The following PKHD1L1 variants were observed in gnomAD, a reference collection of about 807,000 sequenced individuals.
The protein encoded by PKHD1L1 is fibrocystin-L.
A neutral mutation model predicts 462.9 loss-of-function variants in PKHD1L1; 434 were observed. The ratio of observed to expected loss-of-function variants is 0.94; its 90% CI spans 0.87 to 1.02. The LOEUF is 1.02. Among genes scored for constraint, PKHD1L1 ranks in the 50% least tolerant of loss-of-function variants. The pLI is 0.00. For synonymous variants in PKHD1L1, 1,781 were observed against 1,750.0 expected (o/e 1.02, Z -0.44); for missense variants, 5,202 against 5,096.1 (o/e 1.02, Z -0.63).
chr8:109,443,065 C>T lies in PKHD1L1; in HGVS notation c.4513C>T (p.His1505Tyr). The T allele has an allele frequency of 6.2e-7, 1 of 1,613,664 alleles. No individual in the cohort carries two copies. Among genetic ancestry groups the T allele is most frequent in the Non-Finnish European group, 8.5e-7 (1 of 1,179,668 alleles). ...VINVLPAETR[H>Y]IPLHLFVGRS... ...TAATGTTTTACCAGCTGAAACCAGA[C>T]ACATTCCCTTGCACCTGTTTGTGGG... is the stretch of plus-strand genomic sequence containing the variant. Residue 1505 changes from histidine (H) to tyrosine (Y), a missense_variant, in exon 36 of 78, where the codon CAC becomes TAC. His to Tyr is a moderately conservative substitution (Grantham distance 83). Around this residue, in one of 3 missense-constraint regions of PKHD1L1, gnomAD observed 4,497 missense variants for 4,336.8 expected, o/e 1.04. Coordinates refer to ENST00000378402, the MANE Select transcript of PKHD1L1 (RefSeq NM_177531.6).
intron 2 of PKHD1L1, among the ~76,000 whole-genome samples, chr8:109,369,500 A>T (rs2130324814): frequency 6.6e-6 from 1 of 152,150 alleles, no homozygotes; most frequent in South Asian, 2.1e-4. Context: ...CATTATAGTA[A>T]CTCCTAAGCT....
At chr8:109,497,513 A>G (rs1819168689) in intron 65 of PKHD1L1, among the ~76,000 whole-genome samples, 1 of 150,916 alleles carries the variant, frequency 6.6e-6, no homozygotes, top group Admixed American at 6.6e-5. Flanking sequence ...GCTCACTGCA[A>G]ACTCTGCCTC....
chr8:109,459,969 C>A (rs973509716), intron 47 of PKHD1L1, 133 bp downstream of exon 47: 1 of 718,484 alleles, frequency 1.4e-6, no homozygotes, highest in Non-Finnish European at 1.9e-6. Context: ...TGATATTAAT[C>A]TTATAAGATA....
In PKHD1L1 at chr8:109,397,155, C is replaced by T. The variant is rs531032475; in HGVS notation, c.922+1018C>T. Among the ~76,000 whole-genome samples, 16 of 152,142 alleles carry T rather than the reference C, an allele frequency of 1.1e-4. No individual in the cohort carries two copies. In the East Asian group the frequency reaches 1.4e-3, roughly 13 times the overall value. On this transcript the variant is annotated intron_variant, in intron 11 of 77. Coordinates refer to ENST00000378402, the MANE Select transcript of PKHD1L1 (RefSeq NM_177531.6). ...TCTGATCTTATGTTTATTTTGCATA[C>T]GACTATCATACAGTTGATATGAAAA...
chr8:109,465,646 G>C (rs1325987650), intron 49 of PKHD1L1, among the ~76,000 whole-genome samples: 1 of 152,066 alleles, frequency 6.6e-6, no homozygotes, highest in African/African-American at 2.4e-5. Flanking sequence ...TCATGCTCCA[G>C]AAACATATAA....
intron 32 of PKHD1L1, among the ~76,000 whole-genome samples, chr8:109,439,660 CAG>C (rs2130733465): frequency 6.6e-6 from 1 of 152,174 alleles, no homozygotes; most frequent in African/African-American, 2.4e-5. Flanking sequence ...GGAGATGATG[CAG>C]AGAGTCTTTC....
At chr8:109,430,105 G>T (rs977019309) in intron 27 of PKHD1L1, 68 bp downstream of exon 27, 6 of 1,012,740 alleles carry the variant, frequency 5.9e-6, no homozygotes, top group Non-Finnish European at 8.8e-6. Flanking sequence ...CTCTGATAAT[G>T]ACTTTTAAAA....
chr8:109,469,310 G>T (rs956845904), intron 50 of PKHD1L1, among the ~76,000 whole-genome samples: 2 of 152,090 alleles, frequency 1.3e-5, no homozygotes, highest in Non-Finnish European at 2.9e-5. Flanking sequence ...TGAAGGGAAG[G>T]AACAGTTACA....
In PKHD1L1 at chr8:109,483,036, A is replaced by G; in HGVS notation, c.9507A>G (p.Lys3169=). ...ATGGAATTCCACATTCAATATATAAAACTAAGCTCTCAGAAACTGCATTTG... is the reference window on the plus strand; with the variant it reads ...ATGGAATTCCACATTCAATATATAAGACTAAGCTCTCAGAAACTGCATTTG... ...DLHGIPHSIY[K]TKLSETAFAG... Residue 3169 remains lysine, a synonymous_variant, in exon 57 of 78, where the codon AAA becomes AAG. Coordinates refer to ENST00000378402, the MANE Select transcript of PKHD1L1 (RefSeq NM_177531.6). The G allele has an allele frequency of 6.2e-7, 1 of 1,601,722 alleles. No homozygotes were observed.
At chr8:109,403,662 T>C (rs1452428714) in intron 14 of PKHD1L1, among the ~76,000 whole-genome samples, 1 of 152,142 alleles carries the variant, frequency 6.6e-6, no homozygotes, top group Non-Finnish European at 1.5e-5. Flanking sequence ...GAGCCTGATA[T>C]AATCCCCAAA....
At chr8:109,409,709 CTT>C (rs1369456303) in intron 18 of PKHD1L1, among the ~76,000 whole-genome samples, 154 bp from the exon 19 acceptor site, 3 of 152,074 alleles carry the variant, frequency 2.0e-5, no homozygotes, top group African/African-American at 7.2e-5. Flanking sequence ...ATCACACTAA[CTT>C]AAAATTATTT....
intron 49 of PKHD1L1, among the ~76,000 whole-genome samples, chr8:109,465,783 G>C (rs1426164746): frequency 6.6e-6 from 1 of 152,136 alleles, no homozygotes; most frequent in Non-Finnish European, 1.5e-5. Flanking sequence ...TCCTAAATTT[G>C]TAATTTATTC....
chr8:109,392,196 T>A (rs1049064987), intron 9 of PKHD1L1, among the ~76,000 whole-genome samples: 2 of 152,178 alleles, frequency 1.3e-5, no homozygotes, highest in African/African-American at 2.4e-5. Context: ...ATGATTTTTT[T>A]AAATGCTCTT....
At chr8:109,513,414 G>T (rs577770346) in intron 71 of PKHD1L1, among the ~76,000 whole-genome samples, 15 of 152,196 alleles carry the variant, frequency 9.9e-5, no homozygotes, top group African/African-American at 3.6e-4. Context: ...ATACACCTTT[G>T]AAATTTACTT....
intron 21 of PKHD1L1, among the ~76,000 whole-genome samples, chr8:109,416,524 C>T (rs975811018): frequency 1.3e-5 from 2 of 152,162 alleles, no homozygotes; most frequent in Admixed American, 6.5e-5. Context: ...TATTGAAAAA[C>T]ATGTTGCATC....
chr8:109,482,047 G>A (rs898788827), intron 56 of PKHD1L1, among the ~76,000 whole-genome samples: 1 of 151,786 alleles, frequency 6.6e-6, no homozygotes, highest in East Asian at 1.9e-4. Flanking sequence ...CTGTTGCTGA[G>A]ATTTAATTTC....
At chr8:109,428,023 CAAAAAAAAAAAA>C (rs55963339) in intron 25 of PKHD1L1, among the ~76,000 whole-genome samples, 12 of 70,284 alleles carry the variant, frequency 1.7e-4, no homozygotes, top group Non-Finnish European at 3.4e-4. Flanking sequence ...AACTCCGTCT[CAAAAAAAAAAAA>C]AAAAAAAAAA....
rs533004451 is a variant in PKHD1L1 at position 109,470,198 on chromosome 8, C to G, written c.8605+3429C>G. On this transcript the variant is annotated intron_variant, in intron 50 of 77. Transcript: ENST00000378402. The stretch of plus-strand genomic sequence containing the variant: ...TGGGAAAAGTATCTGGAGGATCCTG[C>G]TTTTGATACCAGTTACTCTACTGAG... 14 of 901,626 alleles carry G rather than the reference C, an allele frequency of 1.6e-5. No homozygotes were observed. In the East Asian group the frequency reaches 3.5e-4, roughly 22 times the overall value. 55.9% of individuals were successfully genotyped at this position (901,626 alleles called of 1,614,324 possible). A position where few individuals can be genotyped will look rare whatever the true frequency, so the allele number is the denominator to read the frequency against.
In PKHD1L1 at chr8:109,477,491, T is replaced by G. The variant is rs145676854; in HGVS notation, c.9089+95T>G. The G allele has an allele frequency of 4.5e-4, 532 of 1,173,692 alleles. 4 individuals are homozygous for G. The African/African-American group carries it at 7.5e-3, about 16-fold the overall frequency. The allele number at this position is 1,173,692 out of a possible 1,614,324, so 72.7% of individuals were successfully genotyped here. A position where few individuals can be genotyped will look rare whatever the true frequency, so the allele number is the denominator to read the frequency against. On this transcript the variant is annotated intron_variant, in intron 53 of 77. Transcript: ENST00000378402. ...GGGTGAAATAATAATGCTTTACTCTTGCACAATGTCTTGTAGGTTACAAAG... is the reference window on the plus strand; with the variant it reads ...GGGTGAAATAATAATGCTTTACTCTGGCACAATGTCTTGTAGGTTACAAAG...
Sources: allele counts gnomAD v4.1 joint callset (sites outside exome capture counted in the v4.1 genomes callset), GRCh38; gene constraint gnomAD v4.1.1; regional missense constraint gnomAD v4.1.1; transcripts MANE v1.5; gene names NCBI Gene and HGNC (gene_info 2026-07-23, HGNC 2026-07-21).